Variants in GAB1 observed in about 807,000 individuals in gnomAD.
GAB1 encodes GRB2 associated binding protein 1.
GAB1 carries 19 observed loss-of-function variants against 66.5 expected under a neutral mutation model. That is an observed-to-expected ratio of 0.29 (90% CI 0.20 to 0.42). GAB1 has a LOEUF of 0.42. Among genes scored for constraint, GAB1 ranks in the 10% least tolerant of loss-of-function variants. The pLI is 1.00. For missense variants in GAB1, 732 were observed against 858.5 expected (o/e 0.85, Z 1.84); for synonymous variants, 294 against 301.4 (o/e 0.98, Z 0.25).
At chr4:143,390,235 A>G (rs1731117346) in intron 1 of GAB1, among the ~76,000 whole-genome samples, 1 of 152,154 alleles carries the variant, frequency 6.6e-6, no homozygotes, top group African/African-American at 2.4e-5. Flanking sequence ...TTTGGAGTTT[A>G]ACACAAATTT....
At chr4:143,373,156 T>A (rs1730216805) in intron 1 of GAB1, among the ~76,000 whole-genome samples, 1 of 152,236 alleles carries the variant, frequency 6.6e-6, no homozygotes, top group African/African-American at 2.4e-5. Flanking sequence ...ACAATTTATG[T>A]ACATAAATAT....
intron 2 of GAB1, among the ~76,000 whole-genome samples, chr4:143,431,036 A>G (rs1733623160): frequency 6.6e-6 from 1 of 152,192 alleles, no homozygotes; most frequent in Non-Finnish European, 1.5e-5. Flanking sequence ...CCCTTTCAAT[A>G]TTTGATCCAA....
At chr4:143,367,719 G>GTTT (rs71588248) in intron 1 of GAB1, among the ~76,000 whole-genome samples, 6,652 of 94,482 alleles carry the variant, frequency 0.07, 159 homozygotes, top group African/African-American at 0.094. Context: ...TCAGATGAGG[G>GTTT]TTTTTTTTTT....
intron 1 of GAB1, among the ~76,000 whole-genome samples, chr4:143,383,429 C>T (rs1730740189): frequency 6.6e-6 from 1 of 152,140 alleles, no homozygotes; most frequent in Non-Finnish European, 1.5e-5. Flanking sequence ...GTTCTTTATG[C>T]TTAGTTCCTT....
intron 9 of GAB1, among the ~76,000 whole-genome samples, chr4:143,466,480 CTTTTTTTTTTTTTTT>C (rs776557170): frequency 1.5e-5 from 1 of 67,262 alleles, no homozygotes; most frequent in Non-Finnish European, 2.8e-5. Context: ...TTAACAAATT[CTTTTTTTTTTTTTTT>C]TTTTTTTTTT....
rs192477981 is a variant in GAB1 at position 143,359,427 on chromosome 4, G to T, written c.72+22167G>T. Among the ~76,000 whole-genome samples, 4 of 152,304 alleles carry T rather than the reference G, an allele frequency of 2.6e-5. 1 individual carries two copies. Among genetic ancestry groups the T allele is most frequent in the Admixed American group, 1.3e-4 (2 of 15,290 alleles). ...CCCAATATGAAAACAGTAAAGGCTA[G>T]ACAAGTCCTGTTCTCCTCCTCCCTC... On this transcript the variant is annotated intron_variant, in intron 1 of 9. Coordinates refer to ENST00000262994, the MANE Select transcript of GAB1 (RefSeq NM_002039.4).
intron 1 of GAB1, among the ~76,000 whole-genome samples, chr4:143,396,397 A>G (rs752895356): frequency 6.6e-6 from 1 of 152,220 alleles, no homozygotes; most frequent in Non-Finnish European, 1.5e-5. Flanking sequence ...GATGGAAATT[A>G]GGCAGTGGAA....
chr4:143,429,425 G>A (rs1355602075), intron 2 of GAB1, among the ~76,000 whole-genome samples: 1 of 152,076 alleles, frequency 6.6e-6, no homozygotes, highest in African/African-American at 2.4e-5. Flanking sequence ...TTTAACATAG[G>A]CCTTTTAGAT....
At chr4:143,431,118 C>T (rs1305344897) in intron 2 of GAB1, among the ~76,000 whole-genome samples, 1 of 152,134 alleles carries the variant, frequency 6.6e-6, no homozygotes, top group Non-Finnish European at 1.5e-5. Context: ...TATAGCTACA[C>T]AGACAGGCAG....
intron 7 of GAB1, 24 bp from the exon 8 acceptor site, chr4:143,460,340 T>G (rs1735424558): frequency 1.9e-6 from 3 of 1,612,442 alleles, no homozygotes; most frequent in Non-Finnish European, 2.5e-6. Context: ...GGCTTATGTT[T>G]GTGATGATAA....
intron 2 of GAB1, 135 bp from the exon 3 acceptor site, chr4:143,433,356 A>T: frequency 1.5e-6 from 1 of 652,258 alleles, no homozygotes; most frequent in Non-Finnish European, 2.7e-6. Context: ...CCATTTAGAT[A>T]GTGTTTGTTT....
At chr4:143,393,928 A>G (rs148007797) in intron 1 of GAB1, among the ~76,000 whole-genome samples, 2,717 of 152,268 alleles carry the variant, frequency 0.018, 35 homozygotes, top group Non-Finnish European at 0.026. Flanking sequence ...AATAAAGTGG[A>G]AATAAAAGAT....
intron 1 of GAB1, among the ~76,000 whole-genome samples, chr4:143,391,250 AT>A (rs1483951537): frequency 6.6e-6 from 1 of 152,246 alleles, no homozygotes; most frequent in East Asian, 1.9e-4. Context: ...GTAACACAGA[AT>A]TTGTGCTACA....
intron 8 of GAB1, among the ~76,000 whole-genome samples, chr4:143,465,432 A>G (rs1242065842): frequency 3.9e-5 from 6 of 152,046 alleles, no homozygotes; most frequent in Admixed American, 1.3e-4. Context: ...TCTTAGCACT[A>G]TTTTTGTCCA....
intron 8 of GAB1, among the ~76,000 whole-genome samples, chr4:143,462,885 C>G (rs1415839914): frequency 6.6e-6 from 1 of 152,174 alleles, no homozygotes; most frequent in Non-Finnish European, 1.5e-5. Flanking sequence ...TGGTCTCAAA[C>G]TCCCGACCTC....
At chr4:143,457,734 C>T in intron 6 of GAB1, 1 of 1,578,824 alleles carries the variant, frequency 6.3e-7, no homozygotes, top group Middle Eastern at 1.7e-4. Context: ...CGAACTGATT[C>T]ACAAACCATA....
rs1264176876 is a variant in GAB1 at position 143,467,888 on chromosome 4, A to G, written c.1927-1143A>G. ...CATTTAGAAGCTCACCACTCCCTCT[A>G]CTTCTCTTATACCTTAGACATTTCA... is the stretch of plus-strand genomic sequence containing the variant. On this transcript the variant is annotated intron_variant, in intron 9 of 9. Transcript: ENST00000262994. Among the ~76,000 whole-genome samples the G allele has an allele frequency of 2.0e-5, 3 of 152,106 alleles. 1 individual carries two copies. The highest frequency in any genetic ancestry group is 4.8e-5 in the African/African-American group (2 of 41,422).
At chr4:143,412,179 G>C (rs993894180) in intron 1 of GAB1, among the ~76,000 whole-genome samples, 8 of 152,308 alleles carry the variant, frequency 5.3e-5, no homozygotes, top group East Asian at 1.9e-4. Flanking sequence ...GGATGGGGGG[G>C]AGCCACAGTT....
intron 6 of GAB1, among the ~76,000 whole-genome samples, chr4:143,441,710 T>C (rs1280756447): frequency 6.6e-6 from 1 of 152,222 alleles, no homozygotes; most frequent in Non-Finnish European, 1.5e-5. Context: ...TTTTCTGTTT[T>C]CTTTTCTGAT....
Sources: allele counts gnomAD v4.1 joint callset (sites outside exome capture counted in the v4.1 genomes callset), GRCh38; gene constraint gnomAD v4.1.1; transcripts MANE v1.5; gene names NCBI Gene and HGNC (gene_info 2026-07-23, HGNC 2026-07-21).